Variants in VWA8 observed in about 807,000 individuals in gnomAD.
VWA8 encodes von Willebrand factor A domain containing 8, also known as von Willebrand factor A domain-containing protein 8.
In VWA8, 221 loss-of-function variants were observed where a neutral mutation model predicts 241.5. The ratio of observed to expected loss-of-function variants is 0.91; its 90% CI spans 0.82 to 1.02. The LOEUF (loss-of-function observed/expected upper bound fraction) is 1.02. Ranked by LOEUF, VWA8 falls within the 50% of genes least tolerant of loss-of-function variation. The pLI is 0.00. For missense variants in VWA8, 2,322 were observed against 2,328.7 expected, an observed-to-expected ratio of 1.00 and a Z score of 0.06; for synonymous variants, 852 against 827.1, an observed-to-expected ratio of 1.03 and a Z score of -0.52.
intron 3 of VWA8, among the ~76,000 whole-genome samples, chr13:41,911,586 T>C (rs941748776): frequency 7.2e-5 from 11 of 152,180 alleles, no homozygotes; most frequent in African/African-American, 2.4e-4. Flanking sequence ...CAAGGAGATA[T>C]ATAACACAGA....
At chr13:41,758,369 C>CATATATATATATATATAT (rs374621428) in intron 21 of VWA8, among the ~76,000 whole-genome samples, 3 of 72,986 alleles carry the variant, frequency 4.1e-5, no homozygotes, top group African/African-American at 1.6e-4. Flanking sequence ...TAGATACTAG[C>CATATATATATATATATAT]ATATATATAT....
At chr13:41,840,291 A>G (rs1001132624) in intron 12 of VWA8, among the ~76,000 whole-genome samples, 3 of 152,160 alleles carry the variant, frequency 2.0e-5, no homozygotes, top group Admixed American at 1.3e-4. Context: ...GGAGGAGAAC[A>G]TCACACACTG....
At chr13:41,917,496 C>T (rs1876314976) in intron 2 of VWA8, among the ~76,000 whole-genome samples, 1 of 152,022 alleles carries the variant, frequency 6.6e-6, no homozygotes, top group Non-Finnish European at 1.5e-5. Flanking sequence ...TCCTTATTTT[C>T]AAAATAAAGA....
intron 1 of VWA8, 120 bp downstream of exon 1, chr13:41,960,733 C>A: frequency 7.4e-7 from 1 of 1,345,556 alleles, no homozygotes; most frequent in Non-Finnish European, 9.7e-7. Context: ...TTTCAGCTCC[C>A]CGCTCGGCAA....
intron 42 of VWA8, among the ~76,000 whole-genome samples, chr13:41,586,641 A>G (rs909928197): frequency 6.6e-6 from 1 of 152,168 alleles, no homozygotes; most frequent in Non-Finnish European, 1.5e-5. Flanking sequence ...TGCCTACCTC[A>G]TAACACAGAG....
chr13:41,752,022 C>T (rs79934284), intron 21 of VWA8, among the ~76,000 whole-genome samples: 2,120 of 152,246 alleles, frequency 0.014, 47 homozygotes, highest in African/African-American at 0.048. Context: ...GTAGATCACA[C>T]ACAGGAGTTA....
At chr13:41,650,742 C>T (rs1350162686) in intron 37 of VWA8, among the ~76,000 whole-genome samples, 7 of 152,178 alleles carry the variant, frequency 4.6e-5, no homozygotes, top group Non-Finnish European at 8.8e-5. Flanking sequence ...CCTTCTGACA[C>T]ATGTCAAAGT....
chr13:41,575,650 G>A (rs965661335), intron 43 of VWA8, 90 bp downstream of exon 43: 5 of 874,524 alleles, frequency 5.7e-6, no homozygotes, highest in Middle Eastern at 2.3e-4. Context: ...TTTCTTTCCT[G>A]TGTATCTGCT....
At chr13:41,825,728 T>G (rs75783938) in intron 14 of VWA8, among the ~76,000 whole-genome samples, 2 of 152,140 alleles carry the variant, frequency 1.3e-5, no homozygotes, top group Non-Finnish European at 2.9e-5. Context: ...TAAAGACTAT[T>G]AGAAATAATC....
chr13:41,667,305 G>A (rs1159124161), intron 37 of VWA8, among the ~76,000 whole-genome samples: 1 of 152,124 alleles, frequency 6.6e-6, no homozygotes, highest in Non-Finnish European at 1.5e-5. Context: ...TTTAAAAGGG[G>A]GAATAGACTA....
At chr13:41,905,698 C>G (rs891311680) in intron 4 of VWA8, among the ~76,000 whole-genome samples, 22 of 152,016 alleles carry the variant, frequency 1.4e-4, no homozygotes, top group Non-Finnish European at 1.2e-4. Flanking sequence ...TACAGACTAT[C>G]ACACATTCTA....
At position 41,958,705 on chromosome 13, in the gene VWA8, G is replaced by C. The variant is rs189864306; in HGVS notation, c.163+2148C>G. 4.7e-3 allele frequency among the ~76,000 whole-genome samples: 714 copies of C among 152,222 alleles called. 4 individuals are homozygous for C. The highest frequency in any genetic ancestry group is 8.5e-3 in the Non-Finnish European group (576 of 68,022). On this transcript the variant is annotated intron_variant, in intron 1 of 44. Coordinates refer to ENST00000379310, the MANE Select transcript of VWA8 (RefSeq NM_015058.2). The stretch of plus-strand genomic sequence containing the variant: ...TGCTCTTACTCAAGTCCAGATCTCT[G>C]GTGGGTTCCCAGCTGCATTCAGTTA...
intron 2 of VWA8, among the ~76,000 whole-genome samples, chr13:41,923,186 C>A (rs958345586): frequency 1.3e-5 from 2 of 151,950 alleles, no homozygotes; most frequent in African/African-American, 4.8e-5. Context: ...ACCACAAGGA[C>A]AGAAAAACAA....
intron 41 of VWA8, among the ~76,000 whole-genome samples, chr13:41,589,881 C>G (rs537221150): frequency 6.6e-6 from 1 of 152,354 alleles, no homozygotes; most frequent in South Asian, 2.1e-4. Context: ...ACTTCTCCAT[C>G]TCCTTTTCCC....
chr13:41,956,026 T>C (rs989630199), intron 1 of VWA8: 1 of 152,280 alleles, frequency 6.6e-6, no homozygotes, highest in Non-Finnish European at 1.5e-5. Context: ...CAAATTGTTC[T>C]GTGCTTAAAT....
In VWA8 at chr13:41,611,501, C is replaced by A. The variant is rs1405161887; in HGVS notation, c.4877+75G>T. The A allele has an allele frequency of 8.6e-6, 13 of 1,517,624 alleles. No homozygotes were observed. In the South Asian group the frequency reaches 9.5e-5, roughly 11 times the overall value. 94.0% of individuals were successfully genotyped at this position (1,517,624 alleles called of 1,614,324 possible). On this transcript the variant is annotated intron_variant, in intron 39 of 44. Coordinates refer to ENST00000379310, the MANE Select transcript of VWA8 (RefSeq NM_015058.2). ...GGTGGAGGTGGAAACACACACAAAT[C>A]TAGGTTTCCCCACAGTCCATCATGA...
intron 2 of VWA8, among the ~76,000 whole-genome samples, chr13:41,918,390 T>C (rs918924768): frequency 2.0e-5 from 3 of 152,226 alleles, no homozygotes; most frequent in African/African-American, 7.2e-5. Flanking sequence ...GAAATAATTA[T>C]ACATATCCAT....
chr13:41,846,044 A>C (rs1179468704), intron 12 of VWA8, among the ~76,000 whole-genome samples: 1 of 150,274 alleles, frequency 6.7e-6, no homozygotes, highest in African/African-American at 2.5e-5. Flanking sequence ...TAAGCTTTTT[A>C]GTTCTTTTTT....
At position 41,961,027 on chromosome 13, in the gene VWA8, G is replaced by C. The variant is rs776903039; in HGVS notation, c.-12C>G. 49 of 1,362,352 alleles carry C rather than the reference G, an allele frequency of 3.6e-5. No homozygotes were observed. In the South Asian group the frequency reaches 5.4e-4, roughly 15 times the overall value. The allele number at this position is 1,362,352 out of a possible 1,614,324, so 84.4% of individuals were successfully genotyped here. A position where few individuals can be genotyped will look rare whatever the true frequency, so the allele number is the denominator to read the frequency against. ...AGCCGGGATTGCATGGCGCCGGGGGGGCTGTCGGGGACGGCGAGGGGGCTC... is the reference window on the plus strand; with the variant it reads ...AGCCGGGATTGCATGGCGCCGGGGGCGCTGTCGGGGACGGCGAGGGGGCTC... On this transcript the variant is annotated 5_prime_UTR_variant, in exon 1 of 45. Transcript: ENST00000379310.
Sources: gnomAD v4.1 joint callset for allele counts (sites outside exome capture counted in the v4.1 genomes callset) on GRCh38, gnomAD v4.1.1 for gene constraint, MANE v1.5 for transcripts, NCBI Gene and HGNC (gene_info 2026-07-23, HGNC 2026-07-21) for gene names.